Variants in UGGT2 observed in about 807,000 individuals in gnomAD.
UGGT2 encodes the protein UDP-glucose:glycoprotein glucosyltransferase 2.
UGGT2 carries 180 observed loss-of-function variants against 192.1 expected under a neutral mutation model. The ratio of observed to expected loss-of-function variants is 0.94; its 90% confidence interval spans 0.83 to 1.06. The LOEUF (loss-of-function observed/expected upper bound fraction) is 1.06, where lower values mean the gene tolerates loss of function less well. Ranked by LOEUF, UGGT2 falls within the 50% of genes least tolerant of loss-of-function variation. The pLI, the probability that UGGT2 is intolerant of heterozygous loss-of-function variation, is 0.00. For missense variants in UGGT2, 1,849 were observed against 1,795.7 expected (o/e 1.03, Z -0.54); for synonymous variants, 580 against 591.0 (o/e 0.98, Z 0.27).
intron 1 of UGGT2, among the ~76,000 whole-genome samples, chr13:96,051,091 G>A (rs1273464580): frequency 1.1e-4 from 17 of 152,176 alleles, no homozygotes; most frequent in East Asian, 5.8e-4. Flanking sequence ...CCAAATGTCC[G>A]TCAATGATAG....
chr13:96,022,936 TA>T, intron 4 of UGGT2, 103 bp downstream of exon 4: 1 of 654,084 alleles, frequency 1.5e-6, no homozygotes. Flanking sequence ...TTCTTGAATA[TA>T]CAATGTCTTA....
intron 14 of UGGT2, 23 bp downstream of exon 14, chr13:95,947,973 T>C (rs1473060210): frequency 6.3e-7 from 1 of 1,575,492 alleles, no homozygotes; most frequent in Non-Finnish European, 8.7e-7. Context: ...GTTGACAGTT[T>C]AATGCTATAA....
chr13:95,806,112 A>G lies in UGGT2; in HGVS notation c.4529-4300T>C, dbSNP rs58942130. On this transcript the variant is annotated intron_variant, in intron 38 of 38. Coordinates refer to ENST00000376747, the MANE Select transcript of UGGT2 (RefSeq NM_020121.4). ...CAAAGACAGGAGTCATTAAACACAC[A>G]AGCAGACAAATTTATGGGATGCAAT... is the stretch of plus-strand genomic sequence containing the variant. Among the ~76,000 whole-genome samples the G allele has an allele frequency of 3.8e-3, 582 of 152,064 alleles. 1 individual carries two copies. Among genetic ancestry groups the G allele is most frequent in the African/African-American group, 0.014 (561 of 41,492 alleles).
intron 20 of UGGT2, among the ~76,000 whole-genome samples, chr13:95,907,153 C>T (rs1309946135): frequency 2.0e-5 from 3 of 152,246 alleles, no homozygotes; most frequent in Non-Finnish European, 4.4e-5. Context: ...GCCTTGCTCA[C>T]TGCTAGCGCA....
intron 38 of UGGT2, among the ~76,000 whole-genome samples, chr13:95,824,616 T>C (rs772483967): frequency 3.3e-5 from 5 of 152,188 alleles, no homozygotes; most frequent in African/African-American, 4.8e-5. Context: ...TCCCTAAGCA[T>C]GTCTTTCATT....
intron 7 of UGGT2, among the ~76,000 whole-genome samples, chr13:95,995,691 C>A (rs1230332613): frequency 6.6e-6 from 1 of 152,040 alleles, no homozygotes; most frequent in African/African-American, 2.4e-5. Flanking sequence ...GATGGACTAT[C>A]CACAAGATGT....
At chr13:95,931,344 C>A (rs1384272802) in intron 17 of UGGT2, among the ~76,000 whole-genome samples, 1 of 152,204 alleles carries the variant, frequency 6.6e-6, no homozygotes, top group Non-Finnish European at 1.5e-5. Context: ...TTCTCCAAGT[C>A]CCCACTAGAC....
intron 38 of UGGT2, among the ~76,000 whole-genome samples, chr13:95,820,470 C>G (rs1043721877): frequency 2.0e-5 from 3 of 151,998 alleles, no homozygotes; most frequent in Admixed American, 2.0e-4. Context: ...AATATTAAAA[C>G]CTGAAAAAAT....
At chr13:95,992,427 C>T (rs759423902) in intron 7 of UGGT2, among the ~76,000 whole-genome samples, 4 of 152,094 alleles carry the variant, frequency 2.6e-5, no homozygotes, top group Admixed American at 6.6e-5. Context: ...TGTATTCCTA[C>T]ATACTTTTTT....
rs1412658266 is a variant in UGGT2, at chr13:95,948,057, C to A, written c.1480G>T (p.Glu494Ter). Residue 494 changes from glutamate to a stop codon, truncating the protein, a stop_gained, in exon 14 of 39, where the codon GAA (glutamate) becomes TAA (stop). Coordinates refer to ENST00000376747, the MANE Select transcript of UGGT2 (RefSeq NM_020121.4). LOFTEE classifies it high-confidence loss of function. ...NLVLFIDPAQEYTLDFIKLAD... is the reference protein window; with the variant it reads ...NLVLFIDPAQ Reference sequence around the variant, plus strand: ...AGTTTTATAAAATCCAAGGTATATTCTTGGGCCGGATCAATAAACAGAACC... The same window carrying A: ...AGTTTTATAAAATCCAAGGTATATTATTGGGCCGGATCAATAAACAGAACC... 3 of 1,612,888 alleles carry A rather than the reference C, an allele frequency of 1.9e-6. No homozygotes were observed. Among genetic ancestry groups the A allele is most frequent in the Non-Finnish European group, 2.5e-6 (3 of 1,179,570 alleles).
intron 20 of UGGT2, among the ~76,000 whole-genome samples, chr13:95,913,976 T>C (rs150236411): frequency 2.0e-5 from 3 of 152,210 alleles, no homozygotes; most frequent in Non-Finnish European, 2.9e-5. Context: ...TTCAGGAAAC[T>C]ATAAGGACGG....
At chr13:95,842,096 A>G (rs1887925099) in intron 36 of UGGT2, among the ~76,000 whole-genome samples, 1 of 152,178 alleles carries the variant, frequency 6.6e-6, no homozygotes, top group South Asian at 2.1e-4. Flanking sequence ...TTACATATGT[A>G]TATTTCTGTG....
chr13:96,007,163 C>G (rs1164143004), intron 5 of UGGT2, among the ~76,000 whole-genome samples: 1 of 152,100 alleles, frequency 6.6e-6, no homozygotes, highest in Non-Finnish European at 1.5e-5. Context: ...AAATGTAATA[C>G]ACCATATTAA....
At chr13:95,873,601 T>C (rs1291003868) in intron 29 of UGGT2, among the ~76,000 whole-genome samples, 1 of 152,198 alleles carries the variant, frequency 6.6e-6, no homozygotes, top group Non-Finnish European at 1.5e-5. Context: ...TGCTCTCTCT[T>C]TCTCTCTGCC....
Position 95,970,262 on chromosome 13 carries a change from A to T in UGGT2, c.1185T>A (p.Ser395Arg), listed in dbSNP as rs750111751. The T allele has an allele frequency of 1.3e-6, 2 of 1,594,314 alleles. No homozygotes were observed. The highest frequency in any genetic ancestry group is 2.3e-5 in the South Asian group (2 of 87,182). ...RVDMDVYDAF[S>R]ILDMLKLEGK... is the part of the protein sequence containing the mutation. ...CTTCTAATTTCAGCATATCCAAAAT[A>T]CTATATATTCAAAGAAAAAACAGTT... Residue 395 changes from serine (S) to arginine (R), a missense_variant and splice_region_variant, in exon 12 of 39, where the codon AGT (serine) becomes AGA (arginine). Ser to Arg is a moderately radical substitution (Grantham distance 110, BLOSUM62 -1). Coordinates refer to ENST00000376747, the MANE Select transcript of UGGT2 (RefSeq NM_020121.4).
Position 95,900,787 on chromosome 13 carries a change from C to G in UGGT2, c.2634+20G>C, listed in dbSNP as rs556140275. 6.3e-7 allele frequency: 1 copy of G among 1,598,642 alleles called. No homozygotes were observed. Among genetic ancestry groups the G allele is most frequent in the East Asian group, 2.3e-5 (1 of 44,392 alleles). On this transcript the variant is annotated intron_variant, in intron 22 of 38. Coordinates refer to ENST00000376747, the MANE Select transcript of UGGT2 (RefSeq NM_020121.4). ...CTGCAGTGTCACTGAGAAAAGAGAG[C>G]AATAGCTTTTTCTACTTACTCTCCC...
chr13:95,856,443 A>G, intron 33 of UGGT2, 103 bp from the exon 34 acceptor site: 1 of 1,201,296 alleles, frequency 8.3e-7, no homozygotes, highest in African/African-American at 1.6e-5. Context: ...ATAAATTGTT[A>G]TAAACTAATA....
intron 38 of UGGT2, among the ~76,000 whole-genome samples, chr13:95,827,335 T>A (rs1886152247): frequency 6.6e-6 from 1 of 152,056 alleles, no homozygotes; most frequent in Non-Finnish European, 1.5e-5. Flanking sequence ...ACAGAGGAAA[T>A]CAAGTTAAAA....
intron 1 of UGGT2, among the ~76,000 whole-genome samples, chr13:96,050,221 A>C (rs2053444792): frequency 6.6e-6 from 1 of 152,162 alleles, no homozygotes. Context: ...CAAAAACAAG[A>C]AATGGGGAAA....
Sources: allele counts gnomAD v4.1 joint callset (sites outside exome capture counted in the v4.1 genomes callset), GRCh38; gene constraint gnomAD v4.1.1; transcripts MANE v1.5; gene names NCBI Gene and HGNC (gene_info 2026-07-23, HGNC 2026-07-21).